MEIS3: variants seen among roughly 807,000 people sequenced by gnomAD.
MEIS3 encodes the protein homeobox protein Meis3.
Under a neutral mutation model 51.4 loss-of-function variants are expected in MEIS3, and 38 were observed. That is an observed-to-expected ratio of 0.74 (90% CI 0.57 to 0.97). MEIS3 has a LOEUF of 0.97. Among genes scored for constraint, MEIS3 ranks in the 50% least tolerant of loss-of-function variants. The pLI is 0.00. For synonymous variants in MEIS3, 198 were observed against 201.8 expected, an observed-to-expected ratio of 0.98 and a Z score of 0.16; for missense variants, 456 against 502.6, an observed-to-expected ratio of 0.91 and a Z score of 0.89.
intron 6 of MEIS3, among the ~76,000 whole-genome samples, chr19:47,411,773 C>T (rs1024728459): frequency 2.6e-5 from 4 of 151,808 alleles, no homozygotes; most frequent in African/African-American, 9.7e-5. Flanking sequence ...AACTCCTGAC[C>T]TTGTGATCCA....
rs749426959 is a variant in MEIS3, at chr19:47,414,747, G to A, written c.567C>T (p.Tyr189=). 11 of 1,610,788 alleles carry A rather than the reference G, an allele frequency of 6.8e-6. No homozygotes were observed. Among genetic ancestry groups the A allele is most frequent in the Non-Finnish European group, 9.3e-6 (11 of 1,179,096 alleles). Reference sequence around the variant, plus strand: ...CTGGGAGGCTGGGGCAGGAGGCTGGGTAGTCCTCGAAGTCCTCCCTGCAGC... The same window carrying A: ...CTGGGAGGCTGGGGCAGGAGGCTGGATAGTCCTCGAAGTCCTCCCTGCAGC... ...DGGCREDFED[Y]PASCPSLPDQ... The change falls in exon 6 of 13, where the codon TAC becomes TAT. Residue 189 remains tyrosine, a synonymous_variant. Transcript: ENST00000558555.
At chr19:47,411,332 G>C (rs1272150242) in intron 6 of MEIS3, among the ~76,000 whole-genome samples, 1 of 152,006 alleles carries the variant, frequency 6.6e-6, no homozygotes, top group Non-Finnish European at 1.5e-5. Context: ...TCAAACTCAT[G>C]AACATTTCCA....
Position 47,403,181 on chromosome 19 carries a change from G to A in MEIS3, c.*390C>T, listed in dbSNP as rs978896444. 1 of 239,740 alleles carries A rather than the reference G, an allele frequency of 4.2e-6. No individual in the cohort carries two copies. Among genetic ancestry groups the A allele is most frequent in the African/African-American group, 2.4e-5 (1 of 42,046 alleles). 14.9% of individuals were successfully genotyped at this position (239,740 alleles called of 1,614,324 possible). A position where few individuals can be genotyped will look rare whatever the true frequency, so the allele number is the denominator to read the frequency against. ...AGAAGAAATTAGAGAAGGGAGGTAGGGGGGACAGGAGAGTGAAGGAATCTC... is the reference window on the plus strand; with the variant it reads ...AGAAGAAATTAGAGAAGGGAGGTAGAGGGGACAGGAGAGTGAAGGAATCTC... On this transcript the variant is annotated 3_prime_UTR_variant, in exon 13 of 13. Coordinates refer to ENST00000558555, the MANE Select transcript of MEIS3 (RefSeq NM_001301059.2).
Position 47,419,184 on chromosome 19 carries a change from G to C in MEIS3, c.-103C>G, listed in dbSNP as rs1232967533. ...CTGACGGCCCGCGGTGTTGACGCCA[G>C]GGGGTGGGCAGGAGGCCAGGCGCGC... is the stretch of plus-strand genomic sequence containing the variant. On this transcript the variant is annotated 5_prime_UTR_variant, in exon 1 of 13. Coordinates refer to ENST00000558555, the MANE Select transcript of MEIS3 (RefSeq NM_001301059.2). 3 of 876,018 alleles carry C rather than the reference G, an allele frequency of 3.4e-6. No homozygotes were observed. Among genetic ancestry groups the C allele is most frequent in the Non-Finnish European group, 4.5e-6 (3 of 666,226 alleles). The allele number at this position is 876,018 out of a possible 1,614,324, so 54.3% of individuals were successfully genotyped here.
In MEIS3 at chr19:47,409,455, C is replaced by T; in HGVS notation, c.690G>A (p.Gly230=). ...TCTCACCTTGGTCACTGGAGTTGTCCCCACTCTGGGAGGCCAGGCCCCCAC... is the reference window on the plus strand; with the variant it reads ...TCTCACCTTGGTCACTGGAGTTGTCTCCACTCTGGGAGGCCAGGCCCCCAC... ...PSSGGLASQS[G]DNSSDQGDGL... The change falls in exon 7 of 13, where the codon GGG becomes GGA. Residue 230 remains glycine, a synonymous_variant. Transcript: ENST00000558555. 1 of 1,613,874 alleles carries T rather than the reference C, an allele frequency of 6.2e-7. No homozygotes were observed. Among genetic ancestry groups the T allele is most frequent in the Admixed American group, 1.7e-5 (1 of 60,008 alleles).
In MEIS3 at chr19:47,406,471, C is replaced by G; in HGVS notation, c.*6G>C. The G allele has an allele frequency of 6.2e-7, 1 of 1,613,530 alleles. No homozygotes were observed. The highest frequency in any genetic ancestry group is 1.1e-5 in the South Asian group (1 of 91,062). On this transcript the variant is annotated 3_prime_UTR_variant, in exon 12 of 13. Coordinates refer to ENST00000558555, the MANE Select transcript of MEIS3 (RefSeq NM_001301059.2). ...TTAGACCCTCACACCTCTCCTGCAT[C>G]AGCCTCTATAGATAATGCCATTCTC...
chr19:47,410,353 C>A (rs896589473), intron 6 of MEIS3, among the ~76,000 whole-genome samples: 1 of 149,686 alleles, frequency 6.7e-6, no homozygotes, highest in Non-Finnish European at 1.5e-5. Context: ...GAGGCTGAGG[C>A]GGGAGAATCG....
chr19:47,407,131 A>G lies in MEIS3; in HGVS notation c.942T>C (p.Ile314=). ...LTILQVNNWF[I]NARRRIVQPM... is the part of the protein sequence containing the mutation. The stretch of plus-strand genomic sequence containing the variant: ...GTTGCACGATGCGTCTCCGGGCGTT[A>G]ATGAACCTGGGAGGCGGTCATGGAA... The change falls in exon 10 of 13, where the codon ATT becomes ATC. Residue 314 remains isoleucine, a synonymous_variant. Transcript: ENST00000558555. 1 of 1,610,172 alleles carries G rather than the reference A, an allele frequency of 6.2e-7. No homozygotes were observed. Among genetic ancestry groups the G allele is most frequent in the Non-Finnish European group, 8.5e-7 (1 of 1,178,676 alleles).
intron 4 of MEIS3, chr19:47,416,308 G>A (rs1453031440): frequency 1.6e-5 from 4 of 252,698 alleles, no homozygotes; most frequent in Admixed American, 1.1e-4. Context: ...GCTGTTCCAC[G>A]CACTTGAATC....
chr19:47,407,014 C>T (rs1380735429), intron 10 of MEIS3, 43 bp from the exon 11 acceptor site: 1 of 1,578,270 alleles, frequency 6.3e-7, no homozygotes, highest in Admixed American at 1.9e-5. Flanking sequence ...CCCAGGAAGC[C>T]CGGGACCCGG....
rs774119266 is a variant in MEIS3, at chr19:47,407,595, A to G, written c.859-167T>C. ...CGCTCCCCAGGATGGAGACCAAGGG[A>G]GCCTCAGGCTTGGGGCAATTACATG... is the stretch of plus-strand genomic sequence containing the variant. On this transcript the variant is annotated intron_variant, in intron 8 of 12. Coordinates refer to ENST00000558555, the MANE Select transcript of MEIS3 (RefSeq NM_001301059.2). The G allele has an allele frequency of 6.2e-5, 91 of 1,457,232 alleles. No homozygotes were observed. The African/African-American group carries it at 1.1e-3, about 17-fold the overall frequency. 90.3% of individuals were successfully genotyped at this position (1,457,232 alleles called of 1,614,324 possible). A position where few individuals can be genotyped will look rare whatever the true frequency, so the allele number is the denominator to read the frequency against.
chr19:47,407,337 T>C lies in MEIS3; in HGVS notation c.935+15A>G, dbSNP rs1230218261. ...TCGCCCCGGGCCGGCCCGCGGGCCC[T>C]CCTGGGCCACTCACCAGTTGTTGAC... On this transcript the variant is annotated intron_variant, in intron 9 of 12. Transcript: ENST00000558555. 10 of 1,611,532 alleles carry C rather than the reference T, an allele frequency of 6.2e-6. No individual in the cohort carries two copies. Among genetic ancestry groups the C allele is most frequent in the Non-Finnish European group, 7.6e-6 (9 of 1,179,194 alleles).
At chr19:47,422,140 A>C (rs924486955), upstream of MEIS3, among the ~76,000 whole-genome samples, 4 of 151,214 alleles carry the variant, frequency 2.6e-5, no homozygotes, top group Non-Finnish European at 5.9e-5. Context: ...ACCGGCCCTG[A>C]CAAATGCCTG....
Position 47,409,267 on chromosome 19 carries a change from C to A in MEIS3, c.710-20G>T, listed in dbSNP as rs939168843. 1 of 1,600,752 alleles carries A rather than the reference C, an allele frequency of 6.2e-7. No individual in the cohort carries two copies. The highest frequency in any genetic ancestry group is 1.3e-5 in the African/African-American group (1 of 74,820). On this transcript the variant is annotated intron_variant, in intron 7 of 12. Coordinates refer to ENST00000558555, the MANE Select transcript of MEIS3 (RefSeq NM_001301059.2). ...CGTCTCCTGAGGGAAGGCAGGCATG[C>A]TGTGTGTGTGGGTAGTGAAGAGTGG...
intron 6 of MEIS3, among the ~76,000 whole-genome samples, chr19:47,412,633 C>T (rs1398079912): frequency 6.6e-6 from 1 of 152,156 alleles, no homozygotes; most frequent in Non-Finnish European, 1.5e-5. Context: ...GCGATCTTGG[C>T]TCACTGCAAC....
upstream of MEIS3, among the ~76,000 whole-genome samples, chr19:47,420,940 A>ACACTCTCTCTCTCT (rs1187725467): frequency 7.1e-4 from 65 of 90,986 alleles, no homozygotes; most frequent in African/African-American, 3.1e-3. Context: ...ACACACACAC[A>ACACTCTCTCTCTCT]CTCTCTCTCT....
chr19:47,411,537 CTTTTCT>C lies in MEIS3; in HGVS notation c.598-1996_598-1991del, dbSNP rs1403190004. Among the ~76,000 whole-genome samples, 56 of 86,960 alleles carry C rather than the reference CTTTTCT, an allele frequency of 6.4e-4. 2 individuals carry two copies. The highest frequency in any genetic ancestry group is 9.6e-3 in the Middle Eastern group (1 of 104). The allele number at this position is 86,960 out of a possible 152,430, so 57.0% of individuals were successfully genotyped here. ...GGGTCTGGGGCTGTATTATCTTTTT[CTTTTCT>C]TTTTTTTTTTTTTTTGAGACGGAGT... is the stretch of plus-strand genomic sequence containing the variant. On this transcript the variant is annotated intron_variant, in intron 6 of 12. Transcript: ENST00000558555.
Position 47,415,046 on chromosome 19 carries a change from C to T in MEIS3, c.447+5G>A, listed in dbSNP as rs1162733173. On this transcript the variant is annotated splice_donor_5th_base_variant and intron_variant, in intron 5 of 12. Coordinates refer to ENST00000558555, the MANE Select transcript of MEIS3 (RefSeq NM_001301059.2). ...TGAGGGTGTGGGGAGGTGAGACGCGCTCACCTTCTCCAGCTCCAGCAGGTG... is the reference window on the plus strand; with the variant it reads ...TGAGGGTGTGGGGAGGTGAGACGCGTTCACCTTCTCCAGCTCCAGCAGGTG... 3.2e-6 allele frequency: 5 copies of T among 1,560,668 alleles called. No homozygotes were observed. Among genetic ancestry groups the T allele is most frequent in the Non-Finnish European group, 4.3e-6 (5 of 1,154,490 alleles).
At chr19:47,412,066 T>C (rs1046627473) in intron 6 of MEIS3, among the ~76,000 whole-genome samples, 1 of 152,102 alleles carries the variant, frequency 6.6e-6, no homozygotes, top group Non-Finnish European at 1.5e-5. Context: ...ACTCCTGGGC[T>C]CAAGCAATCC....
Sources: allele counts gnomAD v4.1 joint callset (sites outside exome capture counted in the v4.1 genomes callset), GRCh38; gene constraint gnomAD v4.1.1; transcripts MANE v1.5; gene names NCBI Gene and HGNC (gene_info 2026-07-23, HGNC 2026-07-21).